The following REEP1 variants were observed in gnomAD, a reference collection of about 807,000 sequenced individuals.
REEP1 encodes the protein receptor accessory protein 1, also known as receptor expression-enhancing protein 1.
A neutral mutation model predicts 40.3 loss-of-function variants in REEP1; 22 were observed. The ratio of observed to expected loss-of-function variants is 0.55; its 90% confidence interval spans 0.39 to 0.78. The LOEUF (loss-of-function observed/expected upper bound fraction) is 0.78, where lower values mean the gene tolerates loss of function less well. REEP1 is among the 30% of genes least tolerant of loss of function. The probability of loss-of-function intolerance (pLI) is 0.00; values close to 1 mark genes in which losing one functional copy is unlikely to be tolerated. For missense variants in REEP1, 280 were observed against 361.1 expected (o/e 0.78, Z 1.82); for synonymous variants, 116 against 139.2 (o/e 0.83, Z 1.17).
chr2:86,285,080 T>TA (rs1172369763), intron 1 of REEP1, among the ~76,000 whole-genome samples: 4 of 152,238 alleles, frequency 2.6e-5, no homozygotes, highest in Non-Finnish European at 4.4e-5. Flanking sequence ...CAAGTACCCC[T>TA]ACACGGCCCT....
At chr2:86,328,539 C>T (rs1248299223) in intron 1 of REEP1, among the ~76,000 whole-genome samples, 6 of 152,172 alleles carry the variant, frequency 3.9e-5, no homozygotes, top group Non-Finnish European at 5.9e-5. Context: ...ATTAGCTGGG[C>T]GTGGTGGCGG....
At chr2:86,223,202 G>A (rs1573989766) in intron 7 of REEP1, among the ~76,000 whole-genome samples, 1 of 152,202 alleles carries the variant, frequency 6.6e-6, no homozygotes, top group East Asian at 1.9e-4. Context: ...GTGTGGCCTT[G>A]GCTGATGTTT....
At chr2:86,320,360 T>C (rs1167479145) in intron 1 of REEP1, among the ~76,000 whole-genome samples, 1 of 152,178 alleles carries the variant, frequency 6.6e-6, no homozygotes, top group Admixed American at 6.5e-5. Context: ...CCTAGACACC[T>C]AACCGAAGCA....
intron 7 of REEP1, 126 bp from the exon 8 acceptor site, chr2:86,220,247 G>T: frequency 3.5e-6 from 2 of 566,236 alleles, no homozygotes; most frequent in Non-Finnish European, 5.3e-6. Context: ...GACAGCTGAG[G>T]CCCCTCGGTC....
chr2:86,303,212 G>GT (rs35002382), intron 1 of REEP1, among the ~76,000 whole-genome samples: 84 of 69,014 alleles, frequency 1.2e-3, no homozygotes, highest in African/African-American at 2.8e-3. Context: ...CCGGCTAATT[G>GT]TTTTTTTTTT....
chr2:86,327,844 G>A (rs7575193), intron 1 of REEP1, among the ~76,000 whole-genome samples: 5,423 of 152,200 alleles, frequency 0.036, 315 homozygotes, highest in African/African-American at 0.12. Flanking sequence ...TGGGATTACA[G>A]GCATGAGCCA....
rs772189557 is a variant in REEP1 at position 86,251,953 on chromosome 2, G to A, written c.417+4C>T. 2 of 1,604,218 alleles carry A rather than the reference G, an allele frequency of 1.2e-6. No individual in the cohort carries two copies. The highest frequency in any genetic ancestry group is 2.2e-5 in the South Asian group (2 of 90,866). On this transcript the variant is annotated splice_donor_region_variant and intron_variant, in intron 5 of 8. Transcript: ENST00000538924. Reference sequence around the variant, plus strand: ...ATGTAGTTGTGGTACTTCCAGCACAGTACCTTGGAAGCAGCCATCACAGCC... The same window carrying A: ...ATGTAGTTGTGGTACTTCCAGCACAATACCTTGGAAGCAGCCATCACAGCC...
intron 1 of REEP1, among the ~76,000 whole-genome samples, chr2:86,331,736 C>T (rs1362434984): frequency 6.6e-6 from 1 of 152,078 alleles, no homozygotes; most frequent in African/African-American, 2.4e-5. Flanking sequence ...AACAGATGCT[C>T]TCTGTTTACT....
chr2:86,220,035 C>T lies in REEP1; in HGVS notation c.718G>A (p.Glu240Lys), dbSNP rs1674333857. 1 of 1,232,224 alleles carries T rather than the reference C, an allele frequency of 8.1e-7. No individual in the cohort carries two copies. The highest frequency in any genetic ancestry group is 3.2e-5 in the East Asian group (1 of 31,714). The allele number at this position is 1,232,224 out of a possible 1,614,324, so 76.3% of individuals were successfully genotyped here. A position where few individuals can be genotyped will look rare whatever the true frequency, so the allele number is the denominator to read the frequency against. The change falls in exon 8 of 9, where the codon GAG (glutamate) becomes AAG (lysine). Residue 240 changes from glutamate to lysine, a missense_variant. Glu to Lys is a moderately conservative substitution (Grantham distance 56, BLOSUM62 1). Coordinates refer to ENST00000538924, the MANE Select transcript of REEP1 (RefSeq NM_001371279.1). ...QNPLAFSDDE[E>K]EDLLDFMYKY... ...TACATGAAATCCAGCAGGTCTTCCT[C>T]CTCGTCGTCAGAAAACGCCAATGGG... is the stretch of plus-strand genomic sequence containing the variant.
chr2:86,222,361 T>A (rs1334753210), intron 7 of REEP1, among the ~76,000 whole-genome samples: 2 of 152,120 alleles, frequency 1.3e-5, no homozygotes, highest in Non-Finnish European at 2.9e-5. Flanking sequence ...AAGAGGCCAG[T>A]GTGGGCAGTG....
intron 2 of REEP1, among the ~76,000 whole-genome samples, chr2:86,269,735 T>A (rs1387728709): frequency 6.6e-6 from 1 of 151,818 alleles, no homozygotes; most frequent in Admixed American, 6.6e-5. Flanking sequence ...AAAATAATAA[T>A]AAAATTAAAA....
At chr2:86,325,114 G>A (rs957143971) in intron 1 of REEP1, among the ~76,000 whole-genome samples, 1 of 152,120 alleles carries the variant, frequency 6.6e-6, no homozygotes, top group Non-Finnish European at 1.5e-5. Flanking sequence ...CAGGTGCAGT[G>A]GCTCACACCT....
At chr2:86,233,624 T>C (rs193152868) in intron 5 of REEP1, among the ~76,000 whole-genome samples, 6 of 152,240 alleles carry the variant, frequency 3.9e-5, no homozygotes, top group Admixed American at 3.9e-4. Flanking sequence ...TCAGGGATGG[T>C]GGCATTGCTT....
chr2:86,237,743 G>A (rs538044864), intron 5 of REEP1, among the ~76,000 whole-genome samples: 13 of 151,960 alleles, frequency 8.6e-5, no homozygotes, highest in Admixed American at 7.9e-4. Context: ...GGCTGGTCTC[G>A]AACTCCTGAC....
At chr2:86,259,098 G>T (rs570943165) in intron 3 of REEP1, among the ~76,000 whole-genome samples, 11 of 152,112 alleles carry the variant, frequency 7.2e-5, no homozygotes, top group Non-Finnish European at 1.5e-4. Flanking sequence ...ACAAGTTCAG[G>T]AGATCGAGAC....
At chr2:86,272,199 G>T (rs1677495696) in intron 2 of REEP1, among the ~76,000 whole-genome samples, 1 of 152,174 alleles carries the variant, frequency 6.6e-6, no homozygotes, top group East Asian at 1.9e-4. Context: ...TCCAGCCTGG[G>T]CAACAAGAGT....
intron 1 of REEP1, among the ~76,000 whole-genome samples, chr2:86,297,963 C>A (rs527868000): frequency 1.3e-5 from 2 of 152,284 alleles, no homozygotes; most frequent in South Asian, 4.1e-4. Context: ...CATATAGGGT[C>A]GCATGCCCCA....
intron 1 of REEP1, among the ~76,000 whole-genome samples, chr2:86,316,719 C>T (rs1025159516): frequency 1.3e-5 from 2 of 149,200 alleles, no homozygotes; most frequent in Admixed American, 6.7e-5. Flanking sequence ...ACTAGCTGGG[C>T]GTGGTGGTGC....
chr2:86,300,645 T>A (rs758978011), intron 1 of REEP1, among the ~76,000 whole-genome samples: 57 of 152,218 alleles, frequency 3.7e-4, no homozygotes, highest in Non-Finnish European at 6.0e-4. Flanking sequence ...CCAACTGCCT[T>A]CCAGGTCCCA....
Sources: gnomAD v4.1 joint callset for allele counts (sites outside exome capture counted in the v4.1 genomes callset) on GRCh38, gnomAD v4.1.1 for gene constraint, MANE v1.5 for transcripts, NCBI Gene and HGNC (gene_info 2026-07-23, HGNC 2026-07-21) for gene names.